The following OR56A3 variants were observed in gnomAD, a reference collection of about 807,000 sequenced individuals.
OR56A3 encodes olfactory receptor family 56 subfamily A member 3, also known as olfactory receptor 56A3.
Under a neutral mutation model 17.5 loss-of-function variants are expected in OR56A3, and 23 were observed. The observed-to-expected ratio is 1.32, with a 90% CI of 0.95 to 1.87. The LOEUF is 1.87. Ranked by LOEUF, OR56A3 falls within the 40% of genes most tolerant of loss-of-function variation. OR56A3 has a pLI of 0.00. For synonymous variants in OR56A3, 175 were observed against 150.6 expected (o/e 1.16, Z -1.19); for missense variants, 366 against 380.1 (o/e 0.96, Z 0.31).
intron 1 of OR56A3, among the ~76,000 whole-genome samples, chr11:5,944,062 C>T (rs920569459): frequency 6.6e-6 from 1 of 152,174 alleles, no homozygotes; most frequent in South Asian, 2.1e-4. Context: ...GTGCCCAGGG[C>T]ATGAAGAAGG....
At chr11:5,969,867 C>A in the OR56A3 span, among the ~76,000 whole-genome samples, 5 of 152,004 alleles carry the variant, frequency 3.3e-5, no homozygotes, top group African/African-American at 1.2e-4. Flanking sequence ...ATAAATAGCT[C>A]TGAGGATGAG....
chr11:6,010,915 TGTGA>T, the OR56A3 span, among the ~76,000 whole-genome samples: 1 of 152,082 alleles, frequency 6.6e-6, no homozygotes, highest in Non-Finnish European at 1.5e-5. Flanking sequence ...TCCCTGGTAC[TGTGA>T]GTATCTGGGT....
the OR56A3 span, chr11:6,001,348 C>T: frequency 0.13 from 20,273 of 152,220 alleles, 1,570 homozygotes; most frequent in Non-Finnish European, 0.18. Flanking sequence ...TCCTCCCCAA[C>T]CTAAAAATCC....
the OR56A3 span, chr11:5,994,267 C>A: frequency 1.7e-6 from 1 of 592,962 alleles, no homozygotes; most frequent in South Asian, 1.5e-5. Flanking sequence ...CTGGACTGTA[C>A]ATCTCAGCTC....
intron 2 of OR56A3, among the ~76,000 whole-genome samples, chr11:5,945,821 T>G (rs1847866494): frequency 6.6e-6 from 1 of 152,010 alleles, no homozygotes; most frequent in South Asian, 2.1e-4. Flanking sequence ...TCCCAGCAAG[T>G]AGAAAGAATT....
chr11:5,973,889 C>T, the OR56A3 span, among the ~76,000 whole-genome samples: 1 of 152,130 alleles, frequency 6.6e-6, no homozygotes, highest in South Asian at 2.1e-4. Flanking sequence ...TGCTTTGATA[C>T]AGTTCTGCTA....
the OR56A3 span, among the ~76,000 whole-genome samples, chr11:5,962,785 G>A: frequency 6.6e-5 from 10 of 151,914 alleles, no homozygotes; most frequent in South Asian, 2.1e-4. Context: ...TGATTCACCC[G>A]CCTCGGCCTC....
chr11:5,967,720 GC>G, the OR56A3 span: 1 of 1,612,452 alleles, frequency 6.2e-7, no homozygotes, highest in African/African-American at 1.3e-5. Context: ...ACCAGAACCA[GC>G]AGGACTGTGG....
At chr11:5,962,263 G>C in the OR56A3 span, among the ~76,000 whole-genome samples, 1 of 152,102 alleles carries the variant, frequency 6.6e-6, no homozygotes, top group Non-Finnish European at 1.5e-5. Flanking sequence ...TGTGGTAAAT[G>C]GTCTTTTAAT....
rs908461197 is a variant in OR56A3 at position 5,951,340 on chromosome 11, C to T, written c.*3046C>T. ...TTGTAATTCATTAAATTTTTCTTTA[C>T]ATCATTTACACACACATAGATCTGA... On this transcript the variant is annotated 3_prime_UTR_variant, in exon 3 of 3. Transcript: ENST00000641160. The T allele has an allele frequency of 1.3e-5, 2 of 150,814 alleles. No individual in the cohort carries two copies. Among genetic ancestry groups the T allele is most frequent in the Non-Finnish European group, 3.0e-5 (2 of 67,174 alleles). 9.3% of individuals were successfully genotyped at this position (150,814 alleles called of 1,614,324 possible). A position where few individuals can be genotyped will look rare whatever the true frequency, so the allele number is the denominator to read the frequency against.
At chr11:5,985,224 CA>C in the OR56A3 span, among the ~76,000 whole-genome samples, 1 of 152,082 alleles carries the variant, frequency 6.6e-6, no homozygotes, top group Non-Finnish European at 1.5e-5. Flanking sequence ...ATTTATAAAA[CA>C]AACATATACG....
At chr11:5,976,407 T>C in the OR56A3 span, among the ~76,000 whole-genome samples, 1 of 152,208 alleles carries the variant, frequency 6.6e-6, no homozygotes, top group Non-Finnish European at 1.5e-5. Flanking sequence ...GTCACAATTC[T>C]TTCCTTACGG....
rs1847885865 is a variant in OR56A3, at chr11:5,948,189, T to A, written c.843T>A (p.Asn281Lys). The change falls in exon 3 of 3, where the codon AAT becomes AAA. Residue 281 changes from asparagine (N) to lysine (K), a missense_variant. By Grantham distance (94) the Asn-to-Lys change is moderately conservative (BLOSUM62 0). Coordinates refer to ENST00000641160, the MANE Select transcript of OR56A3 (RefSeq NM_001003443.3). ...CCCCTGATGTGCCAGTCTTGCTCAA[T>A]GTTCTCCACCATGTCATTCCTGCAG... ...KVSPDVPVLL[N>K]VLHHVIPAAL... The A allele has an allele frequency of 6.2e-7, 1 of 1,614,122 alleles. No individual in the cohort carries two copies. The highest frequency in any genetic ancestry group is 1.7e-5 in the Admixed American group (1 of 60,008).
At chr11:5,995,278 TAA>T in the OR56A3 span, among the ~76,000 whole-genome samples, 2 of 152,340 alleles carry the variant, frequency 1.3e-5, no homozygotes, top group African/African-American at 4.8e-5. Flanking sequence ...CTTTTTGCAC[TAA>T]ATCTTCAAAA....
the OR56A3 span, among the ~76,000 whole-genome samples, chr11:6,016,496 C>T: frequency 1.3e-5 from 2 of 151,834 alleles, no homozygotes; most frequent in Admixed American, 1.3e-4. Context: ...GTTACATGCA[C>T]ACACACAAAA....
At position 5,944,848 on chromosome 11, in the gene OR56A3, A is replaced by G. The variant is rs1299677940; in HGVS notation, c.-271A>G. ...AATATCTAAATCTCTTCTATATATG[A>G]GGTGAAGGGCCATGCCTGGCAGACT... On this transcript the variant is annotated 5_prime_UTR_variant, in exon 2 of 3. Coordinates refer to ENST00000641160, the MANE Select transcript of OR56A3 (RefSeq NM_001003443.3). 6.6e-6 allele frequency: 1 copy of G among 152,194 alleles called. No homozygotes were observed. Among genetic ancestry groups the G allele is most frequent in the East Asian group, 1.9e-4 (1 of 5,192 alleles). 9.4% of individuals were successfully genotyped at this position (152,194 alleles called of 1,614,324 possible).
downstream of OR56A3, among the ~76,000 whole-genome samples, chr11:5,953,443 T>C (rs1431897410): frequency 6.6e-6 from 1 of 152,210 alleles, no homozygotes; most frequent in Non-Finnish European, 1.5e-5. Context: ...GACATTTGTA[T>C]GTCTTCTTTT....
At chr11:5,972,882 C>T in the OR56A3 span, among the ~76,000 whole-genome samples, 33 of 152,310 alleles carry the variant, frequency 2.2e-4, no homozygotes, top group African/African-American at 7.9e-4. Flanking sequence ...CAGGCATGAG[C>T]CACCGTGCCC....
the OR56A3 span, chr11:6,006,187 T>G: frequency 1.3e-5 from 2 of 152,226 alleles, no homozygotes; most frequent in African/African-American, 4.8e-5. Context: ...CTTTTGGACT[T>G]CCAGTAGCAC....
Sources: gnomAD v4.1 joint callset for allele counts (sites outside exome capture counted in the v4.1 genomes callset) on GRCh38, gnomAD v4.1.1 for gene constraint, MANE v1.5 for transcripts, NCBI Gene and HGNC (gene_info 2026-07-23, HGNC 2026-07-21) for gene names.